The following SPATA17 variants were observed in gnomAD, a reference collection of about 807,000 sequenced individuals.
SPATA17 encodes the protein spermatogenesis-associated protein 17.
A neutral mutation model predicts 62.2 loss-of-function variants in SPATA17; 53 were observed. That is an observed-to-expected ratio of 0.85 (90% CI 0.68 to 1.07). SPATA17 has a LOEUF of 1.07. Among genes scored for constraint, SPATA17 ranks in the 50% least tolerant of loss-of-function variants. The pLI is 0.00. For synonymous variants in SPATA17, 146 were observed against 146.8 expected, an observed-to-expected ratio of 0.99 and a Z score of 0.04; for missense variants, 466 against 425.5, an observed-to-expected ratio of 1.10 and a Z score of -0.84.
intron 5 of SPATA17, among the ~76,000 whole-genome samples, chr1:217,720,445 A>AT (rs951397129): frequency 4.6e-5 from 7 of 151,760 alleles, no homozygotes; most frequent in African/African-American, 1.7e-4. Flanking sequence ...TTCTTCTTCC[A>AT]TTTTTTTTCT....
At chr1:217,824,953 G>A (rs1674954081) in intron 9 of SPATA17, among the ~76,000 whole-genome samples, 1 of 150,328 alleles carries the variant, frequency 6.7e-6, no homozygotes, top group East Asian at 2.0e-4. Flanking sequence ...ATATGCATAT[G>A]TATAAAATAC....
At chr1:217,846,119 C>A (rs1038631301) in intron 9 of SPATA17, among the ~76,000 whole-genome samples, 2 of 152,062 alleles carry the variant, frequency 1.3e-5, no homozygotes, top group East Asian at 1.9e-4. Flanking sequence ...GGAGACCAGA[C>A]AAAACTAATT....
intron 7 of SPATA17, among the ~76,000 whole-genome samples, chr1:217,780,397 G>A (rs12141164): frequency 0.11 from 17,202 of 152,104 alleles, 1,224 homozygotes; most frequent in Non-Finnish European, 0.16. Context: ...ACAAAAGTCA[G>A]GGATCATGAA....
intron 1 of SPATA17, among the ~76,000 whole-genome samples, chr1:217,637,208 A>G (rs1360009046): frequency 2.0e-5 from 3 of 152,202 alleles, no homozygotes; most frequent in African/African-American, 7.2e-5. Flanking sequence ...TGATGTTTAC[A>G]ATAATCTTAT....
chr1:217,814,685 A>C (rs901974932), intron 9 of SPATA17, among the ~76,000 whole-genome samples: 1 of 151,934 alleles, frequency 6.6e-6, no homozygotes, highest in Non-Finnish European at 1.5e-5. Flanking sequence ...CTGTCTCCGC[A>C]AAAAAATTAA....
chr1:217,810,952 T>A (rs1400505694), intron 9 of SPATA17, among the ~76,000 whole-genome samples: 1 of 152,156 alleles, frequency 6.6e-6, no homozygotes, highest in Non-Finnish European at 1.5e-5. Flanking sequence ...ATTAAAATTT[T>A]AGATGAGATT....
At chr1:217,665,345 A>G (rs543239934) in intron 3 of SPATA17, 5 of 152,182 alleles carry the variant, frequency 3.3e-5, no homozygotes, top group Admixed American at 2.0e-4. Flanking sequence ...GCTTTAAGCA[A>G]TTGGAAACTA....
Position 217,683,235 on chromosome 1 carries a change from T to G in SPATA17, c.292-23T>G, listed in dbSNP as rs766609228. 3 of 1,517,350 alleles carry G rather than the reference T, an allele frequency of 2.0e-6. No individual in the cohort carries two copies. The East Asian group carries it at 6.9e-5, about 35-fold the overall frequency. The allele number at this position is 1,517,350 out of a possible 1,614,324, so 94.0% of individuals were successfully genotyped here. A position where few individuals can be genotyped will look rare whatever the true frequency, so the allele number is the denominator to read the frequency against. ...AATAAAAGTGTTTAATGGCATATTT[T>G]ATCTCTTTATTTACTTTAATAGATT... On this transcript the variant is annotated intron_variant, in intron 4 of 10. Transcript: ENST00000366933.
Position 217,744,390 on chromosome 1 carries a change from G to A in SPATA17, c.519+2292G>A, listed in dbSNP as rs1672700577. Reference sequence around the variant, plus strand: ...AGGCAGGAGAATGGCGTGAACCCGGGAGGCGGAGCTTGCAGTGAGCCGAGA... The same window carrying A: ...AGGCAGGAGAATGGCGTGAACCCGGAAGGCGGAGCTTGCAGTGAGCCGAGA... On this transcript the variant is annotated intron_variant, in intron 6 of 10. Transcript: ENST00000366933. 5.9e-5 allele frequency among the ~76,000 whole-genome samples: 3 copies of A among 50,852 alleles called. 1 individual carries two copies. The highest frequency in any genetic ancestry group is 1.4e-4 in the African/African-American group (3 of 21,172). The allele number at this position is 50,852 out of a possible 152,430, so 33.4% of individuals were successfully genotyped here.
At chr1:217,819,582 G>A (rs544770171) in intron 9 of SPATA17, among the ~76,000 whole-genome samples, 10 of 151,930 alleles carry the variant, frequency 6.6e-5, no homozygotes, top group African/African-American at 2.2e-4. Context: ...TGTTCTCTGT[G>A]CCCCTCACCT....
chr1:217,707,300 T>G (rs1018376293), intron 5 of SPATA17, among the ~76,000 whole-genome samples: 28 of 152,318 alleles, frequency 1.8e-4, no homozygotes, highest in African/African-American at 6.0e-4. Context: ...TTGCTGAAGT[T>G]GTTATCAGGT....
intron 9 of SPATA17, among the ~76,000 whole-genome samples, chr1:217,832,861 T>A (rs1379849994): frequency 6.6e-6 from 1 of 151,998 alleles, no homozygotes; most frequent in Non-Finnish European, 1.5e-5. Context: ...GAGGATCACC[T>A]GATCCTGGGG....
rs532148921 is a variant in SPATA17 at position 217,868,903 on chromosome 1, A to G, written c.*1884A>G. 1.3e-5 allele frequency: 2 copies of G among 152,272 alleles called. No individual in the cohort carries two copies. The highest frequency in any genetic ancestry group is 4.1e-4 in the South Asian group (2 of 4,820). The allele number at this position is 152,272 out of a possible 1,614,324, so 9.4% of individuals were successfully genotyped here. On this transcript the variant is annotated 3_prime_UTR_variant, in exon 11 of 11. Coordinates refer to ENST00000366933, the MANE Select transcript of SPATA17 (RefSeq NM_138796.4). ...TACCATGTTGTGCAGGCTGGTCTTG[A>G]ACGCCTGAGCTCAAGTGATCTGCCT...
chr1:217,797,588 T>C (rs909873129), intron 8 of SPATA17, among the ~76,000 whole-genome samples: 1 of 152,156 alleles, frequency 6.6e-6, no homozygotes, highest in African/African-American at 2.4e-5. Context: ...ATGGTTAAAA[T>C]ATTAGAGTTA....
Position 217,631,513 on chromosome 1 carries a change from G to T in SPATA17, c.68+67G>T. On this transcript the variant is annotated intron_variant, in intron 1 of 10. Coordinates refer to ENST00000366933, the MANE Select transcript of SPATA17 (RefSeq NM_138796.4). ...CTTTATACCAGTTGTTCCTCAGCGG[G>T]AGTTTCCAATTAACGATTTAACGAT... The T allele has an allele frequency of 1.9e-6, 3 of 1,543,908 alleles. No homozygotes were observed. The South Asian group carries it at 3.4e-5, about 17-fold the overall frequency.
At chr1:217,813,805 TG>T (rs1674651677) in intron 9 of SPATA17, among the ~76,000 whole-genome samples, 1 of 152,068 alleles carries the variant, frequency 6.6e-6, no homozygotes, top group Admixed American at 6.6e-5. Context: ...TAGATGCATT[TG>T]TATATGCATA....
chr1:217,828,667 C>T (rs1192005605), intron 9 of SPATA17, among the ~76,000 whole-genome samples: 5 of 151,852 alleles, frequency 3.3e-5, no homozygotes, highest in African/African-American at 9.6e-5. Flanking sequence ...AGGCAACCTA[C>T]AAACTGGGGA....
intron 5 of SPATA17, among the ~76,000 whole-genome samples, chr1:217,729,106 C>A (rs762181787): frequency 6.6e-6 from 1 of 152,220 alleles, no homozygotes; most frequent in African/African-American, 2.4e-5. Flanking sequence ...TTACTAAATG[C>A]GGAGTGTCAT....
At chr1:217,716,667 G>A (rs1312460906) in intron 5 of SPATA17, among the ~76,000 whole-genome samples, 1 of 152,088 alleles carries the variant, frequency 6.6e-6, no homozygotes, top group Non-Finnish European at 1.5e-5. Flanking sequence ...TCTATATGTA[G>A]GTATAGGATA....
Sources: gnomAD v4.1 joint callset for allele counts (sites outside exome capture counted in the v4.1 genomes callset) on GRCh38, gnomAD v4.1.1 for gene constraint, MANE v1.5 for transcripts, NCBI Gene and HGNC (gene_info 2026-07-23, HGNC 2026-07-21) for gene names.